SH3GL3: variants seen among roughly 807,000 people sequenced by gnomAD.
The protein encoded by SH3GL3 is endophilin-A3.
SH3GL3 carries 33 observed loss-of-function variants against 47.7 expected under a neutral mutation model. The ratio of observed to expected loss-of-function variants is 0.69; its 90% CI spans 0.52 to 0.92. SH3GL3 has a LOEUF of 0.92. Among genes scored for constraint, SH3GL3 ranks in the 40% least tolerant of loss-of-function variants. The pLI is 0.00. For synonymous variants in SH3GL3, 155 were observed against 148.8 expected (o/e 1.04, Z -0.30); for missense variants, 363 against 417.8 (o/e 0.87, Z 1.14).
chr15:83,575,044 A>G (rs2151777172), intron 5 of SH3GL3, among the ~76,000 whole-genome samples: 1 of 152,042 alleles, frequency 6.6e-6, no homozygotes, highest in Admixed American at 6.5e-5. Flanking sequence ...CTCACACATT[A>G]TTTTATTTTT....
At chr15:83,456,657 C>T (rs1449540105) in intron 1 of SH3GL3, among the ~76,000 whole-genome samples, 1 of 141,820 alleles carries the variant, frequency 7.1e-6, no homozygotes. Flanking sequence ...ATGCCTCGCC[C>T]TGCTTCGGCT....
At chr15:83,628,719 C>T in the SH3GL3 span, among the ~76,000 whole-genome samples, 1 of 151,992 alleles carries the variant, frequency 6.6e-6, no homozygotes, top group Non-Finnish European at 1.5e-5. Context: ...TGCCCTCTAC[C>T]CTGGGTGACA....
intron 1 of SH3GL3, among the ~76,000 whole-genome samples, chr15:83,460,061 C>G (rs1323429248): frequency 2.8e-5 from 2 of 72,592 alleles, no homozygotes; most frequent in Non-Finnish European, 3.0e-5. Context: ...TCCCTGCCTC[C>G]CTCCCTCCCT....
rs2059572617 is a variant in SH3GL3, at chr15:83,572,672, C to A, written c.439C>A (p.Gln147Lys). ...TTTTATTGATCCACTTCAGTTACTA[C>A]AAGATAAAGATTTAAAAGAGATCGG... ...QTFIDPLQLLQDKDLKEIGHH... is the reference protein window; with the variant it reads ...QTFIDPLQLLKDKDLKEIGHH... Residue 147 changes from glutamine to lysine, a missense_variant, in exon 5 of 9, where the codon CAA (glutamine) becomes AAA (lysine). Gln to Lys is a moderately conservative substitution (Grantham distance 53). Coordinates refer to ENST00000427482, the MANE Select transcript of SH3GL3 (RefSeq NM_003027.5). The A allele has an allele frequency of 6.2e-7, 1 of 1,609,860 alleles. No homozygotes were observed. Among genetic ancestry groups the A allele is most frequent in the Non-Finnish European group, 8.5e-7 (1 of 1,176,340 alleles).
In SH3GL3 at chr15:83,464,133, C is replaced by T. The variant is rs147118293; in HGVS notation, c.45+16555C>T. 8.4e-4 allele frequency among the ~76,000 whole-genome samples: 128 copies of T among 152,274 alleles called. 1 individual carries two copies. The highest frequency in any genetic ancestry group is 2.9e-3 in the African/African-American group (121 of 41,556). On this transcript the variant is annotated intron_variant, in intron 1 of 8. Transcript: ENST00000427482. ...TCTTTTCTTGTGCTCTGAGACCATG[C>T]TTGCCTAGGTCTTGAGTGACCTCCA...
chr15:83,599,969 G>A (rs2060337260), intron 8 of SH3GL3, among the ~76,000 whole-genome samples: 1 of 151,934 alleles, frequency 6.6e-6, no homozygotes, highest in Admixed American at 6.5e-5. Context: ...TTTCATGTTT[G>A]TTGGCCATTT....
chr15:83,602,572 C>T (rs2060414594), intron 8 of SH3GL3, among the ~76,000 whole-genome samples: 1 of 152,182 alleles, frequency 6.6e-6, no homozygotes, highest in Admixed American at 6.5e-5. Context: ...CTAATCACCT[C>T]CTAAAGGTCC....
intron 1 of SH3GL3, among the ~76,000 whole-genome samples, chr15:83,555,581 C>G (rs1260658935): frequency 6.6e-6 from 1 of 152,134 alleles, no homozygotes. Flanking sequence ...AGTCACAGAG[C>G]TGGAGGGGGT....
intron 1 of SH3GL3, among the ~76,000 whole-genome samples, chr15:83,514,667 C>A (rs1419827445): frequency 6.6e-6 from 1 of 152,196 alleles, no homozygotes; most frequent in Non-Finnish European, 1.5e-5. Context: ...TTGTGTTTCT[C>A]TATCTATAGG....
At position 83,588,648 on chromosome 15, in the gene SH3GL3, G is replaced by C; in HGVS notation, c.729-14G>C. The C allele has an allele frequency of 2.7e-6, 4 of 1,491,964 alleles. No individual in the cohort carries two copies. Among genetic ancestry groups the C allele is most frequent in the Non-Finnish European group, 3.7e-6 (4 of 1,068,856 alleles). The allele number at this position is 1,491,964 out of a possible 1,614,324, so 92.4% of individuals were successfully genotyped here. On this transcript the variant is annotated splice_polypyrimidine_tract_variant and intron_variant, in intron 7 of 8. Transcript: ENST00000427482. ...ACATCAGATGTCTGGCTCATCTTAC[G>C]ATGTGTGTTACAGAATATCAGCTGC... is the stretch of plus-strand genomic sequence containing the variant.
At chr15:83,555,059 A>T (rs2044874691) in intron 1 of SH3GL3, among the ~76,000 whole-genome samples, 3 of 152,098 alleles carry the variant, frequency 2.0e-5, no homozygotes, top group Admixed American at 1.3e-4. Context: ...TCCTTAAAAA[A>T]ACTCTTCATC....
intron 8 of SH3GL3, chr15:83,609,461 A>T: frequency 2.6e-6 from 1 of 381,318 alleles, no homozygotes; most frequent in South Asian, 2.0e-5. Context: ...AAAGAGCCCT[A>T]CTCAGGTCAG....
intron 1 of SH3GL3, among the ~76,000 whole-genome samples, chr15:83,502,739 A>G (rs1215709140): frequency 6.6e-6 from 1 of 152,014 alleles, no homozygotes; most frequent in African/African-American, 2.4e-5. Context: ...AAAAATACAT[A>G]TATTTTGTTG....
At chr15:83,587,140 G>A in intron 7 of SH3GL3, 54 bp downstream of exon 7, 1 of 910,372 alleles carries the variant, frequency 1.1e-6, no homozygotes, top group Non-Finnish European at 1.7e-6. Flanking sequence ...AACATCTATT[G>A]AAATCCATCT....
intron 1 of SH3GL3, among the ~76,000 whole-genome samples, chr15:83,517,137 T>C (rs977374548): frequency 4.6e-5 from 7 of 152,078 alleles, no homozygotes; most frequent in African/African-American, 1.4e-4. Context: ...TGTCATCTGG[T>C]GTTCACTGCT....
chr15:83,609,303 G>T (rs1429514444), intron 8 of SH3GL3: 2 of 455,878 alleles, frequency 4.4e-6, no homozygotes, highest in Admixed American at 2.4e-5. Flanking sequence ...GATTAGGAAG[G>T]CCCAAGGGAC....
intron 1 of SH3GL3, among the ~76,000 whole-genome samples, chr15:83,552,547 T>C (rs1196334119): frequency 6.6e-6 from 1 of 152,208 alleles, no homozygotes; most frequent in East Asian, 1.9e-4. Flanking sequence ...TACGTAGTAT[T>C]AGGTTGGTGC....
intron 1 of SH3GL3, among the ~76,000 whole-genome samples, chr15:83,449,433 T>G (rs2039624680): frequency 6.6e-6 from 1 of 152,228 alleles, no homozygotes; most frequent in Non-Finnish European, 1.5e-5. Flanking sequence ...CTTGTTACAT[T>G]GGCTTCCTTA....
At chr15:83,597,735 G>A (rs192843119) in intron 8 of SH3GL3, among the ~76,000 whole-genome samples, 42 of 151,824 alleles carry the variant, frequency 2.8e-4, no homozygotes, top group African/African-American at 5.1e-4. Flanking sequence ...TCAGCCTTCC[G>A]AGTACTTGGG....
Sources: allele counts gnomAD v4.1 joint callset (sites outside exome capture counted in the v4.1 genomes callset), GRCh38; gene constraint gnomAD v4.1.1; transcripts MANE v1.5; gene names NCBI Gene and HGNC (gene_info 2026-07-23, HGNC 2026-07-21).